The following CCDC32 variants were observed in gnomAD, a reference collection of about 807,000 sequenced individuals.
CCDC32 encodes the protein coiled-coil domain containing 32, also known as coiled-coil domain-containing protein 32.
In CCDC32, 9 loss-of-function variants were observed where a neutral mutation model predicts 20.1. The observed-to-expected ratio is 0.45, with a 90% confidence interval of 0.27 to 0.78. The LOEUF (loss-of-function observed/expected upper bound fraction) is 0.78, where lower values mean the gene tolerates loss of function less well. CCDC32 is among the 30% of genes least tolerant of loss of function. CCDC32 has a pLI of 0.16. For synonymous variants in CCDC32, 63 were observed against 79.0 expected (o/e 0.80, Z 1.07); for missense variants, 204 against 215.5 (o/e 0.95, Z 0.33).
chr15:40,552,572 T>C (rs149315463), downstream of CCDC32, among the ~76,000 whole-genome samples: 86 of 151,206 alleles, frequency 5.7e-4, no homozygotes, highest in East Asian at 0.015. Flanking sequence ...AACCACCTAA[T>C]TGGTTCCTAT....
At chr15:40,548,329 A>G (rs555816638), downstream of CCDC32, among the ~76,000 whole-genome samples, 56 of 152,286 alleles carry the variant, frequency 3.7e-4, no homozygotes, top group African/African-American at 1.3e-3. Flanking sequence ...CCTGTGTCCA[A>G]TTTTGCCCCT....
At chr15:40,543,599 C>T (rs562193313) in intron 3 of CCDC32, among the ~76,000 whole-genome samples, 25 of 152,106 alleles carry the variant, frequency 1.6e-4, no homozygotes, top group Non-Finnish European at 3.4e-4. Flanking sequence ...GGAGTACAGG[C>T]GCACGCCACC....
At chr15:40,522,609 A>C in the CCDC32 span, among the ~76,000 whole-genome samples, 1 of 152,160 alleles carries the variant, frequency 6.6e-6, no homozygotes, top group Non-Finnish European at 1.5e-5. Flanking sequence ...TCTTTCCTTT[A>C]ATTTAGGTGT....
chr15:40,524,484 T>C (rs1894874413), downstream of CCDC32, among the ~76,000 whole-genome samples: 1 of 151,954 alleles, frequency 6.6e-6, no homozygotes, highest in Admixed American at 6.6e-5. Context: ...AAAAATATTA[T>C]GTTGAGTGAA....
chr15:40,557,465 T>G, intron 2 of CCDC32, 93 bp from the exon 3 acceptor site: 6 of 1,363,916 alleles, frequency 4.4e-6, no homozygotes, highest in Non-Finnish European at 4.9e-6. Context: ...AAAAAATCTC[T>G]CACCGATGAG....
chr15:40,548,261 A>G (rs1302176242), downstream of CCDC32, among the ~76,000 whole-genome samples: 2 of 152,226 alleles, frequency 1.3e-5, no homozygotes, highest in African/African-American at 4.8e-5. Context: ...AAGTGGAAAA[A>G]GTCCTCAAGT....
intron 2 of CCDC32, among the ~76,000 whole-genome samples, chr15:40,559,056 G>A (rs775515159): frequency 2.0e-5 from 3 of 150,546 alleles, no homozygotes; most frequent in Admixed American, 1.3e-4. Context: ...TGCCTGCCTC[G>A]GCCTCCCAAA....
intron 1 of CCDC32, chr15:40,564,679 C>A: frequency 6.3e-7 from 1 of 1,575,720 alleles, no homozygotes; most frequent in South Asian, 1.1e-5. Context: ...TATGACACGG[C>A]GGTCCTGGGT....
At chr15:40,547,705 C>G (rs1889677619) in intron 3 of CCDC32, among the ~76,000 whole-genome samples, 1 of 152,178 alleles carries the variant, frequency 6.6e-6, no homozygotes, top group Non-Finnish European at 1.5e-5. Flanking sequence ...GTTTGTTACC[C>G]CTCCCGCCAT....
chr15:40,544,400 A>G (rs1398731424), intron 3 of CCDC32, among the ~76,000 whole-genome samples: 1 of 151,910 alleles, frequency 6.6e-6, no homozygotes, highest in Non-Finnish European at 1.5e-5. Flanking sequence ...TTTTTTTTGT[A>G]GAGACGGGGT....
downstream of CCDC32, among the ~76,000 whole-genome samples, chr15:40,534,036 A>G (rs190480390): frequency 7.9e-5 from 12 of 152,378 alleles, no homozygotes; most frequent in African/African-American, 9.6e-5. Context: ...GTGAAGCATT[A>G]TGTCAATTCA....
chr15:40,557,229 C>T lies in CCDC32; in HGVS notation c.388G>A (p.Asp130Asn). 1 of 1,612,956 alleles carries T rather than the reference C, an allele frequency of 6.2e-7. No individual in the cohort carries two copies. The highest frequency in any genetic ancestry group is 1.3e-5 in the African/African-American group (1 of 75,002). ...GGAATCGATTACCTCTCATCAGAAT[C>T]AAGTCCATCCACAAAGAACTCTGAA... ...LASEFFVDGLDSDESTLEHFK... is the reference protein window; with the variant it reads ...LASEFFVDGLNSDESTLEHFK... The change falls in exon 3 of 4, where the codon GAT (aspartate) becomes AAT (asparagine). Residue 130 changes from aspartate (D) to asparagine (N), a missense_variant. Physicochemically the swap from Asp to Asn is conservative, Grantham distance 23. Coordinates refer to ENST00000416810, the MANE Select transcript of CCDC32 (RefSeq NM_001080792.4).
downstream of CCDC32, among the ~76,000 whole-genome samples, chr15:40,529,918 C>T (rs1888824568): frequency 6.6e-6 from 1 of 151,188 alleles, no homozygotes; most frequent in South Asian, 2.1e-4. Context: ...GCCTCGGCCT[C>T]CCAAAGTGCT....
At chr15:40,534,718 T>TC, downstream of CCDC32, 1 of 593,962 alleles carries the variant, frequency 1.7e-6, no homozygotes, top group Non-Finnish European at 3.0e-6. Flanking sequence ...TAGCTAGGTC[T>TC]CTGGCCCCTT....
At chr15:40,564,504 C>T (rs1440966530) in intron 1 of CCDC32, among the ~76,000 whole-genome samples, 1 of 152,020 alleles carries the variant, frequency 6.6e-6, no homozygotes, top group East Asian at 1.9e-4. Flanking sequence ...GGAAAAGCTA[C>T]GCAAAGAGCC....
chr15:40,544,088 A>T (rs1419914828), intron 3 of CCDC32, among the ~76,000 whole-genome samples: 1 of 152,072 alleles, frequency 6.6e-6, no homozygotes, highest in Admixed American at 6.6e-5. Flanking sequence ...CCATTCTCAT[A>T]TGGTTCTGGT....
downstream of CCDC32, among the ~76,000 whole-genome samples, chr15:40,528,350 G>A (rs944598066): frequency 2.0e-5 from 3 of 152,236 alleles, no homozygotes; most frequent in Non-Finnish European, 2.9e-5. Context: ...AGCCCAGGGG[G>A]TGGGGGAGTC....
intron 3 of CCDC32, among the ~76,000 whole-genome samples, chr15:40,546,285 G>A (rs1023079270): frequency 6.6e-6 from 1 of 151,218 alleles, no homozygotes; most frequent in Non-Finnish European, 1.5e-5. Context: ...TCCGCCTTCT[G>A]GGTTCAAGTG....
intron 2 of CCDC32, 101 bp from the exon 3 acceptor site, chr15:40,557,473 G>C: frequency 7.9e-7 from 1 of 1,263,966 alleles, no homozygotes; most frequent in Non-Finnish European, 1.1e-6. Context: ...TCTCACCGAT[G>C]AGGACATCCA....
Sources: allele counts gnomAD v4.1 joint callset (sites outside exome capture counted in the v4.1 genomes callset), GRCh38; gene constraint gnomAD v4.1.1; transcripts MANE v1.5; gene names NCBI Gene and HGNC (gene_info 2026-07-23, HGNC 2026-07-21).